SCD5: variants seen among roughly 807,000 people sequenced by gnomAD.
The protein encoded by SCD5 is acyl-CoA-desaturase 4.
A neutral mutation model predicts 30.4 loss-of-function variants in SCD5; 20 were observed. The observed-to-expected ratio is 0.66, with a 90% CI of 0.46 to 0.96. SCD5 has a LOEUF of 0.96. SCD5 is among the 40% of genes least tolerant of loss of function. The pLI is 0.00. For synonymous variants in SCD5, 173 were observed against 176.4 expected, an observed-to-expected ratio of 0.98 and a Z score of 0.16; for missense variants, 381 against 443.3, an observed-to-expected ratio of 0.86 and a Z score of 1.26.
chr4:82,641,115 C>A (rs926931067), intron 3 of SCD5, among the ~76,000 whole-genome samples: 3 of 151,966 alleles, frequency 2.0e-5, no homozygotes, highest in Non-Finnish European at 4.4e-5. Flanking sequence ...CAAGGCCGGG[C>A]GTGGTGGCTC....
chr4:82,641,253 C>CAAAA (rs10708492), intron 3 of SCD5, among the ~76,000 whole-genome samples: 5 of 52,210 alleles, frequency 9.6e-5, no homozygotes, highest in African/African-American at 1.3e-4. Flanking sequence ...AACTCCATCT[C>CAAAA]AAAAAAAAAA....
At chr4:82,678,528 G>C (rs1425241353) in intron 3 of SCD5, among the ~76,000 whole-genome samples, 6 of 152,130 alleles carry the variant, frequency 3.9e-5, no homozygotes, top group Non-Finnish European at 8.8e-5. Context: ...TTGTCCCAAA[G>C]TATTATTAAT....
rs113451050 is a variant in SCD5 at position 82,735,543 on chromosome 4, C to T, written c.233-30130G>A. 3.0e-3 allele frequency among the ~76,000 whole-genome samples: 464 copies of T among 152,274 alleles called. 1 individual carries two copies. Among genetic ancestry groups the T allele is most frequent in the Middle Eastern group, 6.8e-3 (2 of 294 alleles). On this transcript the variant is annotated intron_variant, in intron 1 of 4. Transcript: ENST00000319540. ...ATACACGACAATAAACGACGCAGTGCGAAAGCGCTCAAGGAGCCGCCACAT... is the reference window on the plus strand; with the variant it reads ...ATACACGACAATAAACGACGCAGTGTGAAAGCGCTCAAGGAGCCGCCACAT...
chr4:82,664,377 G>T (rs1014130473), intron 3 of SCD5, among the ~76,000 whole-genome samples: 2 of 152,100 alleles, frequency 1.3e-5, no homozygotes, highest in Non-Finnish European at 2.9e-5. Context: ...TATTTACCTT[G>T]GTCTTTCTGT....
chr4:82,664,721 G>A (rs1185730018), intron 3 of SCD5, among the ~76,000 whole-genome samples: 1 of 152,052 alleles, frequency 6.6e-6, no homozygotes, highest in East Asian at 1.9e-4. Flanking sequence ...TAGTAAACTT[G>A]AAGATATGCC....
intron 3 of SCD5, among the ~76,000 whole-genome samples, chr4:82,651,942 G>A (rs1481787309): frequency 6.6e-6 from 1 of 152,102 alleles, no homozygotes; most frequent in Non-Finnish European, 1.5e-5. Context: ...GAAAAAATTG[G>A]CTAGGTAAAA....
At chr4:82,644,615 G>A (rs532832737) in intron 3 of SCD5, among the ~76,000 whole-genome samples, 1 of 152,314 alleles carries the variant, frequency 6.6e-6, no homozygotes, top group East Asian at 1.9e-4. Flanking sequence ...CAAGGAGTAC[G>A]ATACAATCCC....
intron 1 of SCD5, chr4:82,775,396 T>A (rs1487615907): frequency 6.6e-6 from 1 of 152,058 alleles, no homozygotes; most frequent in Non-Finnish European, 1.5e-5. Context: ...GGTGTATGCA[T>A]GTTGAGGGCA....
chr4:82,712,563 G>A (rs143151956), intron 1 of SCD5, among the ~76,000 whole-genome samples: 21 of 151,588 alleles, frequency 1.4e-4, no homozygotes, highest in African/African-American at 4.1e-4. Context: ...TGAGCTGCCC[G>A]CCTTGGCCTC....
chr4:82,780,500 C>T (rs1721844153), intron 1 of SCD5, among the ~76,000 whole-genome samples: 1 of 152,226 alleles, frequency 6.6e-6, no homozygotes, highest in Non-Finnish European at 1.5e-5. Flanking sequence ...AATCTCTCAG[C>T]CTGCCAGTCT....
chr4:82,701,043 T>C (rs1453234505), intron 2 of SCD5, among the ~76,000 whole-genome samples: 1 of 152,180 alleles, frequency 6.6e-6, no homozygotes, highest in African/African-American at 2.4e-5. Context: ...TTAGTGATTA[T>C]AGCTTATGGA....
At chr4:82,772,842 C>T (rs1048106237) in intron 1 of SCD5, among the ~76,000 whole-genome samples, 3 of 152,118 alleles carry the variant, frequency 2.0e-5, no homozygotes, top group African/African-American at 7.2e-5. Context: ...GAAAGTGTTT[C>T]TATTTTATTC....
chr4:82,636,087 A>G (rs529971897), intron 4 of SCD5, among the ~76,000 whole-genome samples: 1 of 152,336 alleles, frequency 6.6e-6, no homozygotes, highest in South Asian at 2.1e-4. Context: ...AGCAGTTTAC[A>G]TATTCCTGTG....
intron 3 of SCD5, among the ~76,000 whole-genome samples, chr4:82,655,238 T>A (rs928135980): frequency 3.9e-5 from 6 of 152,226 alleles, no homozygotes; most frequent in African/African-American, 1.4e-4. Flanking sequence ...TTTCCCTTTG[T>A]ATCTTCCATA....
At chr4:82,638,288 CA>C (rs1199144271) in intron 3 of SCD5, among the ~76,000 whole-genome samples, 1 of 151,856 alleles carries the variant, frequency 6.6e-6, no homozygotes, top group Non-Finnish European at 1.5e-5. Context: ...CCTGCCCCCC[CA>C]AAAAAAAGCA....
chr4:82,669,191 A>C (rs1728253451), intron 3 of SCD5, among the ~76,000 whole-genome samples: 1 of 152,198 alleles, frequency 6.6e-6, no homozygotes, highest in Non-Finnish European at 1.5e-5. Context: ...GGTGGGGTAG[A>C]GAAGCAAAGA....
intron 1 of SCD5, among the ~76,000 whole-genome samples, chr4:82,759,202 C>T (rs1041383508): frequency 2.0e-5 from 3 of 152,234 alleles, no homozygotes; most frequent in African/African-American, 7.2e-5. Context: ...GAATTGAGTT[C>T]ATTCTGCTTG....
At chr4:82,722,595 G>T (rs116810679) in intron 1 of SCD5, among the ~76,000 whole-genome samples, 1 of 151,482 alleles carries the variant, frequency 6.6e-6, no homozygotes, top group Non-Finnish European at 1.5e-5. Flanking sequence ...GAAACACTAG[G>T]TGTCTACTAA....
At chr4:82,754,814 C>CTGTGTTAG (rs2148843854) in intron 1 of SCD5, among the ~76,000 whole-genome samples, 1 of 152,294 alleles carries the variant, frequency 6.6e-6, no homozygotes, top group East Asian at 1.9e-4. Flanking sequence ...ACACTGGGAT[C>CTGTGTTAG]TGTGAGGCTG....
Sources: gnomAD v4.1 joint callset for allele counts (sites outside exome capture counted in the v4.1 genomes callset) on GRCh38, gnomAD v4.1.1 for gene constraint, MANE v1.5 for transcripts, NCBI Gene and HGNC (gene_info 2026-07-23, HGNC 2026-07-21) for gene names.